Variants in NINJ2 observed in about 807,000 individuals in gnomAD.
The protein encoded by NINJ2 is ninjurin 2, also known as ninjurin-2.
NINJ2 carries 12 observed loss-of-function variants against 11.7 expected under a neutral mutation model. The observed-to-expected ratio is 1.02, with a 90% confidence interval of 0.66 to 1.66. The LOEUF (loss-of-function observed/expected upper bound fraction) is 1.66, where lower values mean the gene tolerates loss of function less well. Among genes scored for constraint, NINJ2 ranks in the 40% most tolerant of loss-of-function variants. NINJ2 has a pLI of 0.00. For missense variants in NINJ2, 187 were observed against 181.8 expected, an observed-to-expected ratio of 1.03 and a Z score of -0.16; for synonymous variants, 93 against 76.8, an observed-to-expected ratio of 1.21 and a Z score of -1.10.
chr12:649,531 G>GTGTATATATATATATATATATATA (rs139452771), intron 1 of NINJ2, among the ~76,000 whole-genome samples: 22 of 127,684 alleles, frequency 1.7e-4, no homozygotes, highest in East Asian at 5.1e-4. Flanking sequence ...GTGTATATGT[G>GTGTATATATATATATATATATATA]TATATATATA....
At chr12:565,913 C>T (rs777750301) in intron 2 of NINJ2, 37 bp downstream of exon 2, 16 of 1,584,162 alleles carry the variant, frequency 1.0e-5, no homozygotes, top group South Asian at 3.3e-5. Flanking sequence ...CCACGGGTGC[C>T]GAGGCAGAAG....
At chr12:584,595 G>A (rs944760174) in intron 1 of NINJ2, among the ~76,000 whole-genome samples, 10 of 151,216 alleles carry the variant, frequency 6.6e-5, no homozygotes, top group African/African-American at 2.4e-4. Flanking sequence ...CATCTGAGAT[G>A]AGGAGTTTGA....
At position 580,598 on chromosome 12, in the gene NINJ2, A is replaced by AAT. The variant is rs200833054; in HGVS notation, c.34-14422_34-14421dup. Among the ~76,000 whole-genome samples the AAT allele has an allele frequency of 5.0e-4, 30 of 60,502 alleles. No homozygotes were observed. The highest frequency in any genetic ancestry group is 2.7e-3 in the East Asian group (8 of 2,976). 39.7% of individuals were successfully genotyped at this position (60,502 alleles called of 152,430 possible). A position where few individuals can be genotyped will look rare whatever the true frequency, so the allele number is the denominator to read the frequency against. On this transcript the variant is annotated intron_variant, in intron 1 of 3. Coordinates refer to ENST00000305108, the MANE Select transcript of NINJ2 (RefSeq NM_016533.6). This position sits in a 1 kb window ranked among gnomAD's most constrained non-coding sequence, Gnocchi z 4.7. ...AGAGACCCTGTCTCAAAAAAAAAAAAATATATATATATATATATCCATTTG... is the reference window on the plus strand; with the variant it reads ...AGAGACCCTGTCTCAAAAAAAAAAAAATATATATATATATATATATCCATTTG...
Position 565,972 on chromosome 12 carries a change from G to A in NINJ2, c.240C>T (p.Ile80=), listed in dbSNP as rs200357192. 32 of 1,614,166 alleles carry A rather than the reference G, an allele frequency of 2.0e-5. No individual in the cohort carries two copies. Among genetic ancestry groups the A allele is most frequent in the African/African-American group, 4.0e-5 (3 of 75,062 alleles). The change falls in exon 2 of 4, where the codon ATC becomes ATT. Residue 80 remains isoleucine, a synonymous_variant. Coordinates refer to ENST00000305108, the MANE Select transcript of NINJ2 (RefSeq NM_016533.6). The part of the protein sequence containing the change: ...ISLSLLLQVV[I]GVLLVVIARL... ...CACCAATGACCACGAGCAGGACACC[G>A]ATGACCACCTGCAGGAGCAGAGAGA...
rs1052878356 is a variant in NINJ2, at chr12:640,901, C to G, written c.33+22427G>C. 2 of 152,170 alleles carry G rather than the reference C, an allele frequency of 1.3e-5. No homozygotes were observed. Among genetic ancestry groups the G allele is most frequent in the Non-Finnish European group, 2.9e-5 (2 of 68,132 alleles). 9.4% of individuals were successfully genotyped at this position (152,170 alleles called of 1,614,324 possible). A position where few individuals can be genotyped will look rare whatever the true frequency, so the allele number is the denominator to read the frequency against. ...CACTCCAACCCCTCCACTGTGGCTC[C>G]AATGTTACAGACCACTCCTAACTTC... On this transcript the variant is annotated intron_variant, in intron 1 of 3. Coordinates refer to ENST00000305108, the MANE Select transcript of NINJ2 (RefSeq NM_016533.6). This position sits in a 1 kb window ranked among gnomAD's most constrained non-coding sequence, Gnocchi z 4.0.
intron 1 of NINJ2, chr12:610,225 G>T: frequency 1.2e-6 from 1 of 818,304 alleles, no homozygotes; most frequent in Non-Finnish European, 2.0e-6. Context: ...AGCAGACACA[G>T]AATCAATGCT....
rs913884982 is a variant in NINJ2, at chr12:614,635, C to G, written c.34-48457G>C. Among the ~76,000 whole-genome samples, 3 of 152,180 alleles carry G rather than the reference C, an allele frequency of 2.0e-5. No homozygotes were observed. The highest frequency in any genetic ancestry group is 2.9e-5 in the Non-Finnish European group (2 of 68,038). On this transcript the variant is annotated intron_variant, in intron 1 of 3. Coordinates refer to ENST00000305108, the MANE Select transcript of NINJ2 (RefSeq NM_016533.6). This position sits in a 1 kb window ranked among gnomAD's most constrained non-coding sequence, Gnocchi z 5.1. ...CTAGACGTTCTTTAGTACCTGTGCT[C>G]TAAGAGGATTCCTGCTTCCCTCTTA...
At chr12:642,130 C>A (rs1327797804) in intron 1 of NINJ2, among the ~76,000 whole-genome samples, 1 of 152,208 alleles carries the variant, frequency 6.6e-6, no homozygotes, top group Non-Finnish European at 1.5e-5. Context: ...TCCTGAACTT[C>A]AAGTTTTCTC....
chr12:630,625 C>T (rs1326753582), intron 1 of NINJ2, among the ~76,000 whole-genome samples: 2 of 152,238 alleles, frequency 1.3e-5, no homozygotes, highest in Non-Finnish European at 2.9e-5. Flanking sequence ...GATCTGCCCG[C>T]CTCGGCCCCC....
intron 1 of NINJ2, among the ~76,000 whole-genome samples, chr12:625,119 A>AAT (rs1555165845): frequency 7.1e-6 from 1 of 141,628 alleles, no homozygotes; most frequent in Non-Finnish European, 1.6e-5. Context: ...AAAAAAAAAA[A>AAT]AGATATATAT....
chr12:573,804 A>G (rs2120805855), intron 1 of NINJ2, among the ~76,000 whole-genome samples: 1 of 152,322 alleles, frequency 6.6e-6, no homozygotes, highest in South Asian at 2.1e-4. Flanking sequence ...AAGGGGCACT[A>G]GACCCAAAGA....
intron 2 of NINJ2, 30 bp from the exon 3 acceptor site, chr12:565,431 T>A: frequency 1.2e-6 from 2 of 1,607,748 alleles, no homozygotes; most frequent in Non-Finnish European, 1.7e-6. Context: ...GGGGAAAGGG[T>A]CAGAGACGGG....
rs1473534947 is a variant in NINJ2 at position 614,115 on chromosome 12, A to T, written c.34-47937T>A. ...AGCAGCTTGTCCATAGCACGTGGCT[A>T]GTAAGAACAGTCTCTTACACGATGT... On this transcript the variant is annotated intron_variant, in intron 1 of 3. Transcript: ENST00000305108. This position sits in a 1 kb window ranked among gnomAD's most constrained non-coding sequence, Gnocchi z 5.1. Among the ~76,000 whole-genome samples, 1 of 152,184 alleles carries T rather than the reference A, an allele frequency of 6.6e-6. No homozygotes were observed. The highest frequency in any genetic ancestry group is 6.5e-5 in the Admixed American group (1 of 15,290).
chr12:574,384 A>G (rs1228728144), intron 1 of NINJ2, among the ~76,000 whole-genome samples: 1 of 152,188 alleles, frequency 6.6e-6, no homozygotes, highest in Non-Finnish European at 1.5e-5. Context: ...GCACTCTGCT[A>G]TGGTCTGAAT....
chr12:594,649 C>CA (rs1379174601), intron 1 of NINJ2, among the ~76,000 whole-genome samples: 41 of 150,760 alleles, frequency 2.7e-4, no homozygotes, highest in African/African-American at 8.5e-4. Context: ...AAAAACAAAA[C>CA]AAAAAAAAGG....
chr12:573,919 A>C (rs1370664329), intron 1 of NINJ2, among the ~76,000 whole-genome samples: 1 of 150,954 alleles, frequency 6.6e-6, no homozygotes. Flanking sequence ...GAATTTTGAA[A>C]CATGTGAATG....
chr12:646,166 C>T (rs1937675790), intron 1 of NINJ2, among the ~76,000 whole-genome samples: 1 of 152,222 alleles, frequency 6.6e-6, no homozygotes, highest in Non-Finnish European at 1.5e-5. Flanking sequence ...CTAGTGGCAA[C>T]TTGAGGATAA....
At chr12:617,290 A>G (rs1248419197) in intron 1 of NINJ2, among the ~76,000 whole-genome samples, 1 of 152,206 alleles carries the variant, frequency 6.6e-6, no homozygotes. Flanking sequence ...GGGATGCGCT[A>G]AGAGGACAAC....
At chr12:593,841 C>T (rs1441017585) in intron 1 of NINJ2, among the ~76,000 whole-genome samples, 1 of 152,092 alleles carries the variant, frequency 6.6e-6, no homozygotes, top group Non-Finnish European at 1.5e-5. Flanking sequence ...GCAACAGCAG[C>T]AGCATCACCA....
Sources: allele counts gnomAD v4.1 joint callset (sites outside exome capture counted in the v4.1 genomes callset), GRCh38; gene constraint gnomAD v4.1.1; non-coding constraint Gnocchi (gnomAD v3.1); transcripts MANE v1.5; gene names NCBI Gene and HGNC (gene_info 2026-07-23, HGNC 2026-07-21).